The following SHISAL2A variants were observed in gnomAD, a reference collection of about 807,000 sequenced individuals.
SHISAL2A encodes the protein shisa like 2A.
SHISAL2A carries 18 observed loss-of-function variants against 11.5 expected under a neutral mutation model. The observed-to-expected ratio is 1.57, with a 90% CI of 1.08 to 2.33. SHISAL2A has a LOEUF of 2.33. Among genes scored for constraint, SHISAL2A ranks in the 30% most tolerant of loss-of-function variants. The probability of loss-of-function intolerance (pLI) is 0.00; values close to 1 mark genes in which losing one functional copy is unlikely to be tolerated. For synonymous variants in SHISAL2A, 94 were observed against 99.6 expected (o/e 0.94, Z 0.34); for missense variants, 261 against 250.9 (o/e 1.04, Z -0.27).
chr1:52,634,177 T>C (rs1388587599), intron 1 of SHISAL2A, among the ~76,000 whole-genome samples: 1 of 152,142 alleles, frequency 6.6e-6, no homozygotes, highest in East Asian at 1.9e-4. Flanking sequence ...CTGCCTGCAG[T>C]CCCACCTCAG....
At chr1:52,654,945 G>A (rs1571697587) in intron 2 of SHISAL2A, among the ~76,000 whole-genome samples, 1 of 151,996 alleles carries the variant, frequency 6.6e-6, no homozygotes, top group African/African-American at 2.4e-5. Context: ...CACTTTGGGA[G>A]GCCCAGGTGG....
chr1:52,654,444 G>T (rs1691746478), intron 2 of SHISAL2A, among the ~76,000 whole-genome samples: 1 of 152,274 alleles, frequency 6.6e-6, no homozygotes, highest in African/African-American at 2.4e-5. Flanking sequence ...TGGTATTGGA[G>T]GAGGGACAGA....
At chr1:52,656,345 AAGCTTTGATT>A (rs1691790300) in intron 2 of SHISAL2A, among the ~76,000 whole-genome samples, 1 of 152,178 alleles carries the variant, frequency 6.6e-6, no homozygotes, top group Admixed American at 6.6e-5. Context: ...ACTTCCTTTC[AAGCTTTGATT>A]TAAGAGGAAG....
chr1:52,667,294 G>A (rs751925797), intron 4 of SHISAL2A: 39 of 461,934 alleles, frequency 8.4e-5, no homozygotes, highest in African/African-American at 8.3e-4. Context: ...TAGTCAGCAC[G>A]AGTTCATTCC....
At position 52,642,881 on chromosome 1, in the gene SHISAL2A, C is replaced by T; in HGVS notation, c.201C>T (p.Gly67=). The change falls in exon 2 of 3, where the codon GGC becomes GGT. Residue 67 remains glycine (G), a synonymous_variant. Coordinates refer to ENST00000517870, the MANE Select transcript of SHISAL2A (RefSeq NM_001042693.3). ...TTCCCAGCATTGGCGCTCTCATAGG[C>T]CTGTCCGTAGCAGCAGTGGTTCTTC... is the stretch of plus-strand genomic sequence containing the variant. ...MWWLSIGALI[G]LSVAAVVLLA... The T allele has an allele frequency of 6.2e-7, 1 of 1,613,476 alleles. No individual in the cohort carries two copies. The highest frequency in any genetic ancestry group is 8.5e-7 in the Non-Finnish European group (1 of 1,180,012).
At chr1:52,635,745 T>C (rs1310309621) in intron 1 of SHISAL2A, among the ~76,000 whole-genome samples, 1 of 152,212 alleles carries the variant, frequency 6.6e-6, no homozygotes, top group East Asian at 1.9e-4. Context: ...CAAAGGCAGT[T>C]GCAGTCCCTG....
intron 2 of SHISAL2A, among the ~76,000 whole-genome samples, chr1:52,646,492 T>TACACACACACACAC (rs35929137): frequency 5.4e-4 from 79 of 145,364 alleles, no homozygotes; most frequent in African/African-American, 1.6e-3. Context: ...TAAATATCTA[T>TACACACACACACAC]ACACACACAC....
chr1:52,660,500 T>TGAGCTCACCGCTGTTCCC (rs1553253217), downstream of SHISAL2A, among the ~76,000 whole-genome samples: 6 of 152,280 alleles, frequency 3.9e-5, no homozygotes, highest in Non-Finnish European at 7.4e-5. Context: ...AGAAATAGTC[T>TGAGCTCACCGCTGTTCCC]GAGCTCACCG....
chr1:52,658,613 T>G (rs1691844448), downstream of SHISAL2A, among the ~76,000 whole-genome samples: 1 of 152,220 alleles, frequency 6.6e-6, no homozygotes, highest in Non-Finnish European at 1.5e-5. Flanking sequence ...CATAGAAAAG[T>G]GTTGGCAAAT....
At chr1:52,637,227 C>G (rs564659837) in intron 1 of SHISAL2A, among the ~76,000 whole-genome samples, 1 of 152,298 alleles carries the variant, frequency 6.6e-6, no homozygotes, top group Admixed American at 6.5e-5. Flanking sequence ...TTCATAAATA[C>G]CACAGACAAT....
chr1:52,640,717 TC>T (rs2149875970), intron 1 of SHISAL2A, among the ~76,000 whole-genome samples: 1 of 152,278 alleles, frequency 6.6e-6, no homozygotes, highest in East Asian at 1.9e-4. Context: ...CATCATTTGT[TC>T]TAAAATTTGG....
At chr1:52,662,383 C>T (rs966936287) in intron 4 of SHISAL2A, among the ~76,000 whole-genome samples, 3 of 151,806 alleles carry the variant, frequency 2.0e-5, no homozygotes, top group African/African-American at 7.3e-5. Context: ...CTTGCTCTGT[C>T]ACCCAGGCTG....
At chr1:52,653,442 A>C (rs1691717718) in intron 2 of SHISAL2A, among the ~76,000 whole-genome samples, 1 of 152,022 alleles carries the variant, frequency 6.6e-6, no homozygotes, top group Non-Finnish European at 1.5e-5. Context: ...TCTGGGTGAC[A>C]GAGCAAGACT....
At chr1:52,642,415 C>G (rs920004913) in intron 1 of SHISAL2A, among the ~76,000 whole-genome samples, 2 of 143,124 alleles carry the variant, frequency 1.4e-5, no homozygotes, top group Non-Finnish European at 3.0e-5. Context: ...CTGATTCCTA[C>G]AACACAACAC....
At chr1:52,660,694 G>A (rs1196739358), downstream of SHISAL2A, among the ~76,000 whole-genome samples, 4 of 152,142 alleles carry the variant, frequency 2.6e-5, no homozygotes, top group African/African-American at 9.7e-5. Flanking sequence ...AGAGAATGTT[G>A]AATCTTGGAA....
downstream of SHISAL2A, among the ~76,000 whole-genome samples, chr1:52,657,856 A>G (rs1315373141): frequency 6.6e-6 from 1 of 152,156 alleles, no homozygotes; most frequent in Non-Finnish European, 1.5e-5. Flanking sequence ...CAAAAAAAGA[A>G]GAAGAATGAA....
chr1:52,648,627 T>A (rs1691557131), intron 2 of SHISAL2A, among the ~76,000 whole-genome samples: 1 of 152,108 alleles, frequency 6.6e-6, no homozygotes, highest in Admixed American at 6.6e-5. Flanking sequence ...CCCAGTGAGG[T>A]AGGTCTCATT....
intron 1 of SHISAL2A, among the ~76,000 whole-genome samples, chr1:52,641,650 C>T (rs749887695): frequency 7.2e-5 from 11 of 152,158 alleles, no homozygotes. Context: ...CAGAAGTTAC[C>T]TGAGGCTTGC....
Position 52,633,917 on chromosome 1 carries a change from C to T in SHISAL2A, c.182+242C>T, listed in dbSNP as rs373823021. ...TCCCCCTCCTCTAATCCAAAACAAT[C>T]CTCACTCTATCCCCACCCCAAACTT... On this transcript the variant is annotated intron_variant, in intron 1 of 2. Coordinates refer to ENST00000517870, the MANE Select transcript of SHISAL2A (RefSeq NM_001042693.3). The surrounding 1 kb of genome is among the most constrained non-coding windows in gnomAD (Gnocchi z 6.4). Among the ~76,000 whole-genome samples, 63 of 152,070 alleles carry T rather than the reference C, an allele frequency of 4.1e-4. 2 individuals carry two copies. The South Asian group carries it at 0.013, about 31-fold the overall frequency.
Sources: gnomAD v4.1 joint callset for allele counts (sites outside exome capture counted in the v4.1 genomes callset) on GRCh38, gnomAD v4.1.1 for gene constraint, Gnocchi (gnomAD v3.1) non-coding constraint, MANE v1.5 for transcripts, NCBI Gene and HGNC (gene_info 2026-07-23, HGNC 2026-07-21) for gene names.